The following PDE7B variants were observed in gnomAD, a reference collection of about 807,000 sequenced individuals.
PDE7B encodes the protein phosphodiesterase 7B.
Under a neutral mutation model 56.2 loss-of-function variants are expected in PDE7B, and 29 were observed. The ratio of observed to expected loss-of-function variants is 0.52; its 90% CI spans 0.38 to 0.70. The LOEUF (loss-of-function observed/expected upper bound fraction) is 0.70, where lower values mean the gene tolerates loss of function less well. PDE7B is among the 30% of genes least tolerant of loss of function. PDE7B has a pLI of 0.00. For missense variants in PDE7B, 490 were observed against 565.0 expected (o/e 0.87, Z 1.35); for synonymous variants, 197 against 196.9 (o/e 1.00, Z 0.00).
At chr6:135,972,230 T>A in intron 2 of PDE7B, among the ~76,000 whole-genome samples, 1 of 71,036 alleles carries the variant, frequency 1.4e-5, no homozygotes, top group Non-Finnish European at 2.4e-5. Context: ...GCTAAACTGT[T>A]CTCAAAAAAA....
intron 2 of PDE7B, among the ~76,000 whole-genome samples, chr6:136,055,822 G>T (rs1776718509): frequency 6.6e-6 from 1 of 152,068 alleles, no homozygotes; most frequent in South Asian, 2.1e-4. Context: ...AAGGGGGCGG[G>T]GTCTAAAGGA....
intron 2 of PDE7B, among the ~76,000 whole-genome samples, chr6:136,029,993 C>A (rs771599002): frequency 7.2e-5 from 11 of 152,174 alleles, no homozygotes; most frequent in Non-Finnish European, 1.5e-4. Context: ...GGGAAAACAA[C>A]TCCTAAAATT....
At chr6:136,028,931 A>G (rs1263061028) in intron 2 of PDE7B, among the ~76,000 whole-genome samples, 1 of 152,188 alleles carries the variant, frequency 6.6e-6, no homozygotes, top group East Asian at 1.9e-4. Flanking sequence ...TGTCAGATGC[A>G]TCTGACATGT....
chr6:135,933,005 A>T (rs1774321300), intron 1 of PDE7B, among the ~76,000 whole-genome samples: 1 of 151,766 alleles, frequency 6.6e-6, no homozygotes, highest in African/African-American at 2.4e-5. Flanking sequence ...TGTGCTGAAA[A>T]CCTTCTGTGT....
At chr6:136,046,787 T>C (rs920457601) in intron 2 of PDE7B, among the ~76,000 whole-genome samples, 1 of 152,188 alleles carries the variant, frequency 6.6e-6, no homozygotes, top group Non-Finnish European at 1.5e-5. Context: ...AATAAAAGAA[T>C]AAAGAAAATC....
chr6:136,118,167 C>T (rs906688083), intron 3 of PDE7B, among the ~76,000 whole-genome samples: 1 of 152,126 alleles, frequency 6.6e-6, no homozygotes, highest in Non-Finnish European at 1.5e-5. Flanking sequence ...CTCCAGCCAC[C>T]TCTTCTCCTA....
intron 3 of PDE7B, among the ~76,000 whole-genome samples, chr6:136,139,987 G>T (rs935550351): frequency 1.5e-3 from 224 of 152,088 alleles, no homozygotes; most frequent in African/African-American, 3.2e-3. Flanking sequence ...AGATCCCATT[G>T]GTCAATTTTG....
At chr6:136,046,660 T>C (rs548478971) in intron 2 of PDE7B, among the ~76,000 whole-genome samples, 1 of 152,320 alleles carries the variant, frequency 6.6e-6, no homozygotes, top group East Asian at 1.9e-4. Flanking sequence ...GAGTAGACTT[T>C]GCAACTGTCT....
chr6:135,913,051 C>T (rs1776239248), intron 1 of PDE7B, among the ~76,000 whole-genome samples: 1 of 152,286 alleles, frequency 6.6e-6, no homozygotes, highest in South Asian at 2.1e-4. Flanking sequence ...ATCCCATTCT[C>T]TTTGCATTGA....
intron 2 of PDE7B, among the ~76,000 whole-genome samples, chr6:135,962,785 A>C (rs1774929287): frequency 1.3e-5 from 2 of 152,162 alleles, no homozygotes; most frequent in Non-Finnish European, 2.9e-5. Flanking sequence ...AACCTCTCTC[A>C]CAAAGTCACC....
chr6:136,080,674 G>A (rs895065730), intron 2 of PDE7B, among the ~76,000 whole-genome samples: 2 of 152,174 alleles, frequency 1.3e-5, no homozygotes, highest in Admixed American at 6.5e-5. Context: ...GGCAGACTTT[G>A]GAAGAACTAC....
chr6:136,178,272 T>C (rs1779010879), intron 9 of PDE7B, among the ~76,000 whole-genome samples: 1 of 152,208 alleles, frequency 6.6e-6, no homozygotes, highest in African/African-American at 2.4e-5. Flanking sequence ...TATTTATTCA[T>C]TAAATTATGT....
At chr6:135,991,359 T>G (rs1243764948) in intron 2 of PDE7B, among the ~76,000 whole-genome samples, 4 of 152,192 alleles carry the variant, frequency 2.6e-5, no homozygotes, top group Non-Finnish European at 5.9e-5. Context: ...TGATTGGTCC[T>G]TCCACAATTA....
intron 8 of PDE7B, among the ~76,000 whole-genome samples, chr6:136,164,105 C>T: frequency 6.6e-6 from 1 of 152,102 alleles, no homozygotes; most frequent in East Asian, 1.9e-4. Context: ...AAGGACATAC[C>T]CCAGACTGGG....
rs982417833 is a variant in PDE7B, at chr6:136,162,361, G to C, written c.711+6603G>C. 4 of 151,462 alleles carry C rather than the reference G, an allele frequency of 2.6e-5. No homozygotes were observed. The South Asian group carries it at 6.3e-4, about 24-fold the overall frequency. The allele number at this position is 151,462 out of a possible 1,614,324, so 9.4% of individuals were successfully genotyped here. On this transcript the variant is annotated intron_variant, in intron 8 of 12. Coordinates refer to ENST00000308191, the MANE Select transcript of PDE7B (RefSeq NM_018945.4). The stretch of plus-strand genomic sequence containing the variant: ...GGAAGGAGAAGTGCTGAGCAAAAGG[G>C]AAAAAAAACCCTTATAAAACCATCA...
At chr6:136,068,517 G>A (rs1391394253) in intron 2 of PDE7B, among the ~76,000 whole-genome samples, 5 of 136,752 alleles carry the variant, frequency 3.7e-5, no homozygotes, top group Admixed American at 1.7e-4. Context: ...TGCAAGCTCC[G>A]CCTCCCGGGT....
In PDE7B at chr6:136,192,400, A is replaced by G. The variant is rs1165257753; in HGVS notation, c.*560A>G. 6.6e-6 allele frequency: 1 copy of G among 152,234 alleles called. No individual in the cohort carries two copies. The highest frequency in any genetic ancestry group is 1.5e-5 in the Non-Finnish European group (1 of 68,032). 9.4% of individuals were successfully genotyped at this position (152,234 alleles called of 1,614,324 possible). A position where few individuals can be genotyped will look rare whatever the true frequency, so the allele number is the denominator to read the frequency against. On this transcript the variant is annotated 3_prime_UTR_variant, in exon 13 of 13. Coordinates refer to ENST00000308191, the MANE Select transcript of PDE7B (RefSeq NM_018945.4). ...TTATGCACTAGACAATGGATCTGCA[A>G]CTTTGGACTAAGGTCATTCAATGTA...
At chr6:135,953,802 C>T (rs551088651) in intron 2 of PDE7B, among the ~76,000 whole-genome samples, 2 of 152,100 alleles carry the variant, frequency 1.3e-5, no homozygotes, top group African/African-American at 4.8e-5. Context: ...GATTATTTTG[C>T]GTGCACTTGA....
intron 9 of PDE7B, among the ~76,000 whole-genome samples, chr6:136,175,439 A>AG (rs1778962185): frequency 1.3e-5 from 2 of 152,132 alleles, no homozygotes; most frequent in Admixed American, 1.3e-4. Context: ...GGAGACTTTT[A>AG]GCACTTTCAT....
Sources: allele counts gnomAD v4.1 joint callset (sites outside exome capture counted in the v4.1 genomes callset), GRCh38; gene constraint gnomAD v4.1.1; transcripts MANE v1.5; gene names NCBI Gene and HGNC (gene_info 2026-07-23, HGNC 2026-07-21).